The following DCAF8L2 variants were observed in gnomAD, a reference collection of about 807,000 sequenced individuals.
DCAF8L2 encodes the protein DDB1 and CUL4 associated factor 8 like 2.
For synonymous variants in DCAF8L2, 200 were observed against 190.9 expected, an observed-to-expected ratio of 1.05 and a Z score of -0.39; for missense variants, 430 against 490.7, an observed-to-expected ratio of 0.88 and a Z score of 1.17.
intron 1 of DCAF8L2, among the ~76,000 whole-genome samples, chrX:27,612,143 C>T (rs984953950): frequency 1.6e-4 from 18 of 111,309 alleles, no homozygotes; most frequent in African/African-American, 5.9e-4. Flanking sequence ...TTCTAACTGG[C>T]GTGAGATGGT....
rs866564365 is a variant in DCAF8L2, at chrX:27,747,294, G to A, written c.399G>A (p.Glu133=). The A allele has an allele frequency of 3.9e-5, 31 of 794,651 alleles. No homozygotes were observed. In the African/African-American group the frequency reaches 5.4e-4, roughly 14 times the overall value. 65.5% of individuals were successfully genotyped at this position (794,651 alleles called of 1,213,427 possible). ...EGGEEEEEEE[E]EEEEEEEEEE... ...GGGAGGAGGAGGAAGAGGAGGAGGA[G>A]GAGGAGGAGGAGGAGGAGGAGGAGG... Residue 133 remains glutamate, a synonymous_variant, in exon 5 of 5, where the codon GAG becomes GAA. Coordinates refer to ENST00000451261, the MANE Select transcript of DCAF8L2 (RefSeq NM_001353450.2).
intron 2 of DCAF8L2, among the ~76,000 whole-genome samples, 198 bp from the exon 3 acceptor site, chrX:27,677,638 T>C (rs932270170): frequency 1.6e-4 from 18 of 111,216 alleles, no homozygotes; most frequent in African/African-American, 5.5e-4. Context: ...TTAGGAAAAG[T>C]AGGAAAAGTG....
chrX:27,553,185 A>G, the DCAF8L2 span, among the ~76,000 whole-genome samples: 2 of 111,554 alleles, frequency 1.8e-5, no homozygotes, highest in Admixed American at 9.5e-5. Context: ...AGAATTTTCT[A>G]TATATATGAC....
At chrX:27,533,974 C>A in the DCAF8L2 span, among the ~76,000 whole-genome samples, 5 of 111,322 alleles carry the variant, frequency 4.5e-5, no homozygotes, top group African/African-American at 1.6e-4. Context: ...TCTGGGGGAC[C>A]GAGGCAGGTG....
At position 27,733,486 on chromosome X, in the gene DCAF8L2, T is replaced by C. The variant is rs772637959; in HGVS notation, c.-58-13352T>C. On this transcript the variant is annotated intron_variant, in intron 4 of 4. Coordinates refer to ENST00000451261, the MANE Select transcript of DCAF8L2 (RefSeq NM_001353450.2). ...ATTTTCTCTTAATCCATAAGATGTG[T>C]TTCCATTTTGTTGTTTCCTTTACTA... Among the ~76,000 whole-genome samples the C allele has an allele frequency of 2.7e-5, 3 of 112,020 alleles. No homozygotes were observed. The East Asian group carries it at 8.4e-4, about 31-fold the overall frequency.
the DCAF8L2 span, among the ~76,000 whole-genome samples, chrX:27,532,817 T>C: frequency 9.4e-6 from 1 of 106,825 alleles, no homozygotes; most frequent in Non-Finnish European, 1.9e-5. Context: ...GGCTCACACC[T>C]ATAATCCCAG....
At chrX:27,744,429 T>C (rs763049947) in intron 4 of DCAF8L2, among the ~76,000 whole-genome samples, 177 of 111,744 alleles carry the variant, frequency 1.6e-3, no homozygotes, top group African/African-American at 5.6e-3. Context: ...ATTTAAATTG[T>C]ATACACCATT....
the DCAF8L2 span, among the ~76,000 whole-genome samples, chrX:27,532,726 ATATTTATTTATTTATTTATTTATT>A: frequency 1.2e-5 from 1 of 85,536 alleles, no homozygotes; most frequent in African/African-American, 4.3e-5. Context: ...AGTGAGACCC[ATATTTATTTATTTATTTATTTATT>A]TATTTATTTA....
chrX:27,712,715 G>A (rs1931569962), intron 3 of DCAF8L2: 1 of 111,575 alleles, frequency 9.0e-6, no homozygotes, highest in Admixed American at 9.6e-5. Context: ...AAAAATGTTT[G>A]TATTTGTACA....
chrX:27,588,213 A>G (rs781620935), upstream of DCAF8L2, among the ~76,000 whole-genome samples: 1 of 108,235 alleles, frequency 9.2e-6, no homozygotes, highest in African/African-American at 3.4e-5. Context: ...ACTAGTACTC[A>G]ATGTTTAGCT....
chrX:27,527,714 C>T, the DCAF8L2 span, among the ~76,000 whole-genome samples: 7 of 109,482 alleles, frequency 6.4e-5, no homozygotes, highest in South Asian at 4.0e-4. Flanking sequence ...TGCAGTGGCA[C>T]GATCTCAGCT....
At chrX:27,679,988 G>A (rs1412833482) in intron 3 of DCAF8L2, among the ~76,000 whole-genome samples, 1 of 111,823 alleles carries the variant, frequency 8.9e-6, no homozygotes, top group Non-Finnish European at 1.9e-5. Flanking sequence ...AAATCAAGAT[G>A]TGTAAATATA....
the DCAF8L2 span, among the ~76,000 whole-genome samples, chrX:27,527,682 G>A: frequency 1.5e-4 from 16 of 106,248 alleles, no homozygotes; most frequent in South Asian, 4.2e-4. Context: ...TTTTTTTTCC[G>A]CTCATGTCAC....
intron 3 of DCAF8L2, among the ~76,000 whole-genome samples, chrX:27,700,850 A>C (rs1931103547): frequency 9.0e-6 from 1 of 111,555 alleles, no homozygotes; most frequent in Non-Finnish European, 1.9e-5. Context: ...ATAAAATGTC[A>C]ATATAAAGCC....
chrX:27,587,342 G>A (rs1337307917), upstream of DCAF8L2, among the ~76,000 whole-genome samples: 1 of 111,155 alleles, frequency 9.0e-6, no homozygotes, highest in Non-Finnish European at 1.9e-5. Context: ...AGATACTATG[G>A]GTTGTAACGT....
At chrX:27,580,721 A>G in the DCAF8L2 span, among the ~76,000 whole-genome samples, 1 of 111,763 alleles carries the variant, frequency 8.9e-6, no homozygotes, top group Non-Finnish European at 1.9e-5. Flanking sequence ...TTCCAGTGGA[A>G]ATTTAAAAGG....
chrX:27,531,567 T>G, the DCAF8L2 span, among the ~76,000 whole-genome samples: 1 of 103,678 alleles, frequency 9.6e-6, no homozygotes, highest in African/African-American at 4.1e-5. Flanking sequence ...TTTGAATAGT[T>G]TATGCAAAAT....
chrX:27,470,506 C>T, the DCAF8L2 span, among the ~76,000 whole-genome samples: 12 of 112,080 alleles, frequency 1.1e-4, no homozygotes, highest in African/African-American at 2.9e-4. Flanking sequence ...CCGTTGATGC[C>T]GGCCATATAC....
chrX:27,536,852 C>T, the DCAF8L2 span, among the ~76,000 whole-genome samples: 3 of 111,899 alleles, frequency 2.7e-5, no homozygotes, highest in Admixed American at 2.8e-4. Context: ...TTATCTGCCA[C>T]CTGCATCTAT....
Sources: allele counts gnomAD v4.1 joint callset (sites outside exome capture counted in the v4.1 genomes callset), GRCh38; gene constraint gnomAD v4.1.1; transcripts MANE v1.5; gene names NCBI Gene and HGNC (gene_info 2026-07-23, HGNC 2026-07-21).